The following SLC10A7 variants were observed in gnomAD, a reference collection of about 807,000 sequenced individuals.
SLC10A7 encodes the protein solute carrier family 10 member 7.
SLC10A7 carries 29 observed loss-of-function variants against 43.2 expected under a neutral mutation model. That is an observed-to-expected ratio of 0.67 (90% CI 0.50 to 0.92). The LOEUF is 0.92. SLC10A7 is among the 40% of genes least tolerant of loss of function. The probability of loss-of-function intolerance (pLI) is 0.00; values close to 1 mark genes in which losing one functional copy is unlikely to be tolerated. For synonymous variants in SLC10A7, 152 were observed against 144.8 expected, an observed-to-expected ratio of 1.05 and a Z score of -0.35; for missense variants, 295 against 403.2, an observed-to-expected ratio of 0.73 and a Z score of 2.30.
intron 5 of SLC10A7, among the ~76,000 whole-genome samples, chr4:146,354,384 A>G (rs1560827624): frequency 6.6e-6 from 1 of 152,186 alleles, no homozygotes; most frequent in Non-Finnish European, 1.5e-5. Flanking sequence ...CAAGGAAATA[A>G]AAGAGGACAC....
At chr4:146,503,497 T>C (rs573244107) in intron 4 of SLC10A7, among the ~76,000 whole-genome samples, 125 of 152,346 alleles carry the variant, frequency 8.2e-4, no homozygotes, top group African/African-American at 2.9e-3. Context: ...AACAAATTTT[T>C]TGGAGATAAG....
intron 10 of SLC10A7, among the ~76,000 whole-genome samples, chr4:146,273,958 A>G (rs1229855868): frequency 6.6e-6 from 1 of 152,176 alleles, no homozygotes; most frequent in Non-Finnish European, 1.5e-5. Flanking sequence ...TTGTTTTAAA[A>G]AAATCTTTCT....
intron 5 of SLC10A7, among the ~76,000 whole-genome samples, chr4:146,340,366 C>T (rs1433340030): frequency 2.0e-5 from 3 of 151,822 alleles, no homozygotes; most frequent in Non-Finnish European, 2.9e-5. Context: ...CAAATCACTT[C>T]GCCATAATCA....
In SLC10A7 at chr4:146,256,327, G is replaced by A. The variant is rs533186346; in HGVS notation, c.*164C>T. 101 of 647,202 alleles carry A rather than the reference G, an allele frequency of 1.6e-4. No homozygotes were observed. Among genetic ancestry groups the A allele is most frequent in the South Asian group, 1.6e-3 (78 of 50,104 alleles). The allele number at this position is 647,202 out of a possible 1,614,324, so 40.1% of individuals were successfully genotyped here. A position where few individuals can be genotyped will look rare whatever the true frequency, so the allele number is the denominator to read the frequency against. ...CAACAAAGCATATTTTGGAAATAAC[G>A]CTCTTGTCAAATACATTTTAAGGCA... On this transcript the variant is annotated 3_prime_UTR_variant, in exon 12 of 12. Coordinates refer to ENST00000335472, the MANE Select transcript of SLC10A7 (RefSeq NM_001029998.6).
intron 5 of SLC10A7, among the ~76,000 whole-genome samples, chr4:146,388,358 C>A (rs978379863): frequency 6.6e-6 from 1 of 152,136 alleles, no homozygotes; most frequent in Non-Finnish European, 1.5e-5. Context: ...GCTGGGAAAA[C>A]TGGAGAACCA....
chr4:146,513,536 A>G (rs1433230746), intron 2 of SLC10A7, among the ~76,000 whole-genome samples: 1 of 152,210 alleles, frequency 6.6e-6, no homozygotes, highest in Non-Finnish European at 1.5e-5. Flanking sequence ...AAAAACTAAA[A>G]TGTGCTTAGA....
chr4:146,305,306 T>C (rs1472967377), intron 7 of SLC10A7, among the ~76,000 whole-genome samples: 1 of 151,490 alleles, frequency 6.6e-6, no homozygotes, highest in Non-Finnish European at 1.5e-5. Context: ...ATCATCATTC[T>C]CAGTAAACTA....
intron 5 of SLC10A7, among the ~76,000 whole-genome samples, chr4:146,386,108 T>C (rs1222520297): frequency 6.6e-6 from 1 of 152,044 alleles, no homozygotes; most frequent in African/African-American, 2.4e-5. Context: ...GTAATGGGAG[T>C]GTAGGGTCAA....
chr4:146,475,236 A>G (rs1733925002), intron 4 of SLC10A7, among the ~76,000 whole-genome samples: 1 of 152,292 alleles, frequency 6.6e-6, no homozygotes, highest in South Asian at 2.1e-4. Flanking sequence ...ACTGAGCCTC[A>G]TATCTTCAGG....
intron 5 of SLC10A7, among the ~76,000 whole-genome samples, chr4:146,364,840 C>T (rs1736284531): frequency 6.6e-6 from 1 of 152,004 alleles, no homozygotes; most frequent in Non-Finnish European, 1.5e-5. Context: ...CCCAATTACC[C>T]TGATTTGATC....
chr4:146,514,595 CAT>C (rs1319495020), intron 2 of SLC10A7: 1 of 152,236 alleles, frequency 6.6e-6, no homozygotes, highest in East Asian at 1.9e-4. Context: ...ATGTATGAGT[CAT>C]ATAAGAAATG....
chr4:146,287,212 G>A (rs1426492721), intron 9 of SLC10A7, among the ~76,000 whole-genome samples: 5 of 152,134 alleles, frequency 3.3e-5, no homozygotes, highest in African/African-American at 1.2e-4. Flanking sequence ...GTTTGGACTG[G>A]TGAGAAGGAC....
chr4:146,392,643 T>C, intron 5 of SLC10A7, among the ~76,000 whole-genome samples: 1 of 152,054 alleles, frequency 6.6e-6, no homozygotes, highest in Non-Finnish European at 1.5e-5. Context: ...ATAGCAAAAA[T>C]ATCCACCAAT....
chr4:146,477,824 C>T (rs569279694), intron 4 of SLC10A7: 8 of 152,150 alleles, frequency 5.3e-5, no homozygotes, highest in Non-Finnish European at 1.2e-4. Context: ...TACATACAAA[C>T]CATGTAGTTC....
intron 5 of SLC10A7, among the ~76,000 whole-genome samples, chr4:146,386,757 A>C (rs1738029829): frequency 6.6e-6 from 1 of 152,198 alleles, no homozygotes; most frequent in East Asian, 1.9e-4. Context: ...TACTCTTCTA[A>C]ATATTCCTTC....
At chr4:146,444,993 T>G (rs1730916013) in intron 4 of SLC10A7, among the ~76,000 whole-genome samples, 1 of 152,176 alleles carries the variant, frequency 6.6e-6, no homozygotes, top group Non-Finnish European at 1.5e-5. Flanking sequence ...TTTATTGATA[T>G]ATAAAAGACA....
At chr4:146,497,916 A>AG (rs1167203473) in intron 4 of SLC10A7, among the ~76,000 whole-genome samples, 2 of 151,836 alleles carry the variant, frequency 1.3e-5, no homozygotes, top group South Asian at 2.1e-4. Context: ...AGGCTTTTGG[A>AG]GGGAAAAAAA....
At chr4:146,445,209 T>C (rs1730936315) in intron 4 of SLC10A7, among the ~76,000 whole-genome samples, 1 of 152,152 alleles carries the variant, frequency 6.6e-6, no homozygotes, top group Non-Finnish European at 1.5e-5. Flanking sequence ...TCTTCTACTT[T>C]GGTAATTCTA....
chr4:146,447,055 T>C (rs141375100), intron 4 of SLC10A7, among the ~76,000 whole-genome samples: 2,657 of 152,212 alleles, frequency 0.017, 68 homozygotes, highest in African/African-American at 0.061. Context: ...CAGACTCCCA[T>C]CCACCCCATT....
Sources: gnomAD v4.1 joint callset for allele counts (sites outside exome capture counted in the v4.1 genomes callset) on GRCh38, gnomAD v4.1.1 for gene constraint, MANE v1.5 for transcripts, NCBI Gene and HGNC (gene_info 2026-07-23, HGNC 2026-07-21) for gene names.